The following TSPAN7 variants were observed in gnomAD, a reference collection of about 807,000 sequenced individuals.
TSPAN7 encodes the protein tetraspanin 7, also known as tetraspanin-7.
TSPAN7 carries 1 observed loss-of-function variant against 17.6 expected under a neutral mutation model. The ratio of observed to expected loss-of-function variants is 0.06; its 90% CI spans 0.02 to 0.27. The LOEUF is 0.27. TSPAN7 is among the 10% of genes least tolerant of loss of function. The probability of loss-of-function intolerance (pLI) is 1.00; values close to 1 mark genes in which losing one functional copy is unlikely to be tolerated. For synonymous variants in TSPAN7, 78 were observed against 79.0 expected, an observed-to-expected ratio of 0.99 and a Z score of 0.07; for missense variants, 112 against 201.7, an observed-to-expected ratio of 0.56 and a Z score of 2.69.
chrX:38,671,686 A>G (rs901766277), intron 3 of TSPAN7, among the ~76,000 whole-genome samples: 3 of 111,560 alleles, frequency 2.7e-5, no homozygotes, highest in Middle Eastern at 4.6e-3. Flanking sequence ...TAGCCATTGC[A>G]TAAAATGATT....
At position 38,601,989 on chromosome X, in the gene TSPAN7, A is replaced by G. The variant is rs144802658; in HGVS notation, c.81+40362A>G. On this transcript the variant is annotated intron_variant, in intron 1 of 7. Transcript: ENST00000378482. ...CATAACATTGGCCCATGTCTCACTG[A>G]CCAAAGCAAGTCACATCACCAAGCC... Among the ~76,000 whole-genome samples, 48 of 111,963 alleles carry G rather than the reference A, an allele frequency of 4.3e-4. 1 individual carries two copies. In the East Asian group the frequency reaches 0.013, roughly 31 times the overall value.
In TSPAN7 at chrX:38,677,696, G is replaced by A. The variant is rs1004353635; in HGVS notation, c.597+1836G>A. The stretch of plus-strand genomic sequence containing the variant: ...AGCCTCCAACCTGGCTCCCTCAGAG[G>A]AGAAAAAGTGAATGAAAACTAAAAT... On this transcript the variant is annotated intron_variant, in intron 5 of 7. Coordinates refer to ENST00000378482, the MANE Select transcript of TSPAN7 (RefSeq NM_004615.4). 5.3e-5 allele frequency among the ~76,000 whole-genome samples: 6 copies of A among 112,242 alleles called. No homozygotes were observed. The South Asian group carries it at 1.9e-3, about 35-fold the overall frequency.
At chrX:38,600,977 G>C (rs1020213998) in intron 1 of TSPAN7, among the ~76,000 whole-genome samples, 2 of 111,512 alleles carry the variant, frequency 1.8e-5, no homozygotes, top group Non-Finnish European at 3.8e-5. Context: ...GAATCAGCCA[G>C]CATTATGTAC....
At chrX:38,612,521 GTCT>G (rs1226797372) in intron 1 of TSPAN7, 5 of 111,832 alleles carry the variant, frequency 4.5e-5, no homozygotes, top group African/African-American at 1.6e-4. Context: ...TGGACTGGTT[GTCT>G]TCTTTTAGTA....
chrX:38,663,766 C>A (rs2069764626), intron 1 of TSPAN7, among the ~76,000 whole-genome samples: 1 of 112,212 alleles, frequency 8.9e-6, no homozygotes. Flanking sequence ...CTTTGACATA[C>A]TGCATGTAAG....
At chrX:38,612,446 G>C (rs182984065) in intron 1 of TSPAN7, 1 of 111,739 alleles carries the variant, frequency 8.9e-6, no homozygotes, top group Non-Finnish European at 1.9e-5. Flanking sequence ...CAGGTTTAAC[G>C]GCAGCAGGCA....
Position 38,666,213 on chromosome X carries a change from T to C in TSPAN7, c.174T>C (p.Ala58=). Residue 58 remains alanine, a synonymous_variant, in exon 2 of 8, where the codon GCT becomes GCC. Coordinates refer to ENST00000378482, the MANE Select transcript of TSPAN7 (RefSeq NM_004615.4). The part of the protein sequence containing the change: ...ISLIAENSTN[A]PYVLIGTGTT... ...TTATTGCCGAGAACTCCACAAATGCTCCCTATGTGCTCATCGGAACTGGCA... is the reference window on the plus strand; with the variant it reads ...TTATTGCCGAGAACTCCACAAATGCCCCCTATGTGCTCATCGGAACTGGCA... 1 of 1,211,587 alleles carries C rather than the reference T, an allele frequency of 8.3e-7. No individual in the cohort carries two copies. Among genetic ancestry groups the C allele is most frequent in the Non-Finnish European group, 1.1e-6 (1 of 895,391 alleles).
chrX:38,583,369 C>T (rs559946494), intron 1 of TSPAN7, among the ~76,000 whole-genome samples: 12 of 112,088 alleles, frequency 1.1e-4, no homozygotes, highest in African/African-American at 3.9e-4. Flanking sequence ...GAACTTTGCC[C>T]ATCCATCATA....
rs963712936 is a variant in TSPAN7 at position 38,569,795 on chromosome X, G to A, written c.81+8168G>A. Among the ~76,000 whole-genome samples, 4 of 111,550 alleles carry A rather than the reference G, an allele frequency of 3.6e-5. No individual in the cohort carries two copies. The East Asian group carries it at 1.1e-3, about 31-fold the overall frequency. On this transcript the variant is annotated intron_variant, in intron 1 of 7. Coordinates refer to ENST00000378482, the MANE Select transcript of TSPAN7 (RefSeq NM_004615.4). Reference sequence around the variant, plus strand: ...TGGGAGATAGCCAGGGTAAATGGATGTGTTCAATCCGTCATCTTTAACTGG... The same window carrying A: ...TGGGAGATAGCCAGGGTAAATGGATATGTTCAATCCGTCATCTTTAACTGG...
intron 3 of TSPAN7, 74 bp downstream of exon 3, chrX:38,671,524 G>T (rs2069820734): frequency 2.0e-6 from 2 of 995,229 alleles, no homozygotes; most frequent in Non-Finnish European, 2.9e-6. Flanking sequence ...CTTGAAATGT[G>T]TAAAGGGTGC....
chrX:38,575,289 C>A (rs907479132), intron 1 of TSPAN7, among the ~76,000 whole-genome samples: 1 of 111,753 alleles, frequency 8.9e-6, no homozygotes, highest in Non-Finnish European at 1.9e-5. Context: ...AAGCTGTGCC[C>A]AGATTTTTGA....
At chrX:38,662,613 T>C (rs1445395244) in intron 1 of TSPAN7, among the ~76,000 whole-genome samples, 7 of 110,022 alleles carry the variant, frequency 6.4e-5, no homozygotes, top group Middle Eastern at 4.2e-3. Context: ...AGTGATAGGA[T>C]GGATAGGTAA....
intron 1 of TSPAN7, among the ~76,000 whole-genome samples, chrX:38,579,304 G>C (rs998759630): frequency 6.3e-5 from 7 of 110,814 alleles, no homozygotes; most frequent in African/African-American, 2.3e-4. Context: ...GCAAGGCCGG[G>C]CATGGTGGCT....
intron 1 of TSPAN7, among the ~76,000 whole-genome samples, chrX:38,595,015 A>G (rs1251891270): frequency 9.0e-6 from 1 of 111,318 alleles, no homozygotes; most frequent in Non-Finnish European, 1.9e-5. Context: ...ATAGTTAACC[A>G]TTCTCCTATT....
intron 1 of TSPAN7, among the ~76,000 whole-genome samples, chrX:38,661,561 GTGGTTGA>G (rs1266411172): frequency 1.8e-5 from 2 of 112,130 alleles, no homozygotes; most frequent in Non-Finnish European, 3.8e-5. Flanking sequence ...ATCCTGGCTT[GTGGTTGA>G]TTTGGGAGCA....
intron 2 of TSPAN7, among the ~76,000 whole-genome samples, chrX:38,666,770 T>G (rs2069784636): frequency 9.1e-6 from 1 of 110,124 alleles, no homozygotes; most frequent in Non-Finnish European, 1.9e-5. Context: ...AGCTAATTTT[T>G]TTTGTATTTT....
rs140548597 is a variant in TSPAN7, at chrX:38,663,739, A to G, written c.82-2382A>G. Among the ~76,000 whole-genome samples the G allele has an allele frequency of 6.9e-3, 772 of 112,245 alleles. 7 individuals are homozygous for G. Among genetic ancestry groups the G allele is most frequent in the Non-Finnish European group, 0.011 (591 of 53,274 alleles). On this transcript the variant is annotated intron_variant, in intron 1 of 7. Coordinates refer to ENST00000378482, the MANE Select transcript of TSPAN7 (RefSeq NM_004615.4). ...TGATCTTGGTACTGTTTGCCTTAAA[A>G]TCAGGATTTGTGTTAACTTTGACAT...
intron 1 of TSPAN7, among the ~76,000 whole-genome samples, chrX:38,654,962 A>C (rs970248583): frequency 8.9e-6 from 1 of 111,786 alleles, no homozygotes; most frequent in Non-Finnish European, 1.9e-5. Flanking sequence ...AGGAAGAGCA[A>C]GTGTGAAATC....
rs182390151 is a variant in TSPAN7, at chrX:38,609,748, C to T, written c.81+48121C>T. ...ATACTCCTTTATCTTCTAGGTGAGA[C>T]AGTTACATACTCATTTGAAAATAAA... On this transcript the variant is annotated intron_variant, in intron 1 of 7. Transcript: ENST00000378482. Among the ~76,000 whole-genome samples, 15 of 109,659 alleles carry T rather than the reference C, an allele frequency of 1.4e-4. No homozygotes were observed. The East Asian group carries it at 4.3e-3, about 31-fold the overall frequency.
Sources: gnomAD v4.1 joint callset for allele counts (sites outside exome capture counted in the v4.1 genomes callset) on GRCh38, gnomAD v4.1.1 for gene constraint, MANE v1.5 for transcripts, NCBI Gene and HGNC (gene_info 2026-07-23, HGNC 2026-07-21) for gene names.